Variants in KCNMA1 observed in about 807,000 individuals in gnomAD.
The protein encoded by KCNMA1 is potassium calcium-activated channel subfamily M alpha 1, also known as Calcium-activated potassium channel subunit alpha-1.
In KCNMA1, 29 loss-of-function variants were observed where a neutral mutation model predicts 140.0. That is an observed-to-expected ratio of 0.21 (90% confidence interval 0.15 to 0.28). The LOEUF (loss-of-function observed/expected upper bound fraction) is 0.28, where lower values mean the gene tolerates loss of function less well. Among genes scored for constraint, KCNMA1 ranks in the 10% least tolerant of loss-of-function variants. KCNMA1 has a pLI of 1.00. For missense variants in KCNMA1, 880 were observed against 1,602.2 expected (o/e 0.55, Z 7.70); for synonymous variants, 612 against 611.9 (o/e 1.00, Z 0.00).
chr10:76,998,834 G>T (rs2085233682), intron 19 of KCNMA1, among the ~76,000 whole-genome samples: 1 of 152,222 alleles, frequency 6.6e-6, no homozygotes, highest in Non-Finnish European at 1.5e-5. Context: ...AATTGGAGAA[G>T]AAGGGCTTAT....
At chr10:77,099,311 C>G (rs989070845) in intron 9 of KCNMA1, among the ~76,000 whole-genome samples, 2 of 152,132 alleles carry the variant, frequency 1.3e-5, no homozygotes, top group African/African-American at 4.8e-5. Context: ...CCCATAATGA[C>G]AACCAACTTG....
At chr10:77,033,310 G>T (rs933741630) in intron 15 of KCNMA1, among the ~76,000 whole-genome samples, 3 of 152,118 alleles carry the variant, frequency 2.0e-5, no homozygotes, top group Non-Finnish European at 4.4e-5. Context: ...CAAGAAAAGA[G>T]AAGTGATTTA....
At chr10:76,992,686 C>T (rs977629175) in intron 19 of KCNMA1, among the ~76,000 whole-genome samples, 4 of 152,152 alleles carry the variant, frequency 2.6e-5, no homozygotes, top group Non-Finnish European at 5.9e-5. Context: ...GTTTTAATGA[C>T]CCCCTGAGGT....
intron 1 of KCNMA1, among the ~76,000 whole-genome samples, chr10:77,589,498 A>G (rs763134989): frequency 6.6e-6 from 1 of 152,162 alleles, no homozygotes; most frequent in Non-Finnish European, 1.5e-5. Context: ...TAAGGAATAA[A>G]AATTCCTAAA....
intron 7 of KCNMA1, among the ~76,000 whole-genome samples, chr10:77,112,070 T>A (rs1329104911): frequency 6.6e-6 from 1 of 152,212 alleles, no homozygotes; most frequent in Admixed American, 6.5e-5. Flanking sequence ...CACTGCCATC[T>A]TGTGGCTTAC....
chr10:77,073,278 A>T, intron 13 of KCNMA1, 26 bp from the exon 14 acceptor site: 1 of 1,612,558 alleles, frequency 6.2e-7, no homozygotes, highest in African/African-American at 1.3e-5. Context: ...CAGGTATGAG[A>T]CCTTGCTCTG....
intron 23 of KCNMA1, among the ~76,000 whole-genome samples, chr10:76,936,815 G>A (rs1354103813): frequency 6.6e-6 from 1 of 152,134 alleles, no homozygotes; most frequent in African/African-American, 2.4e-5. Context: ...TAATGGAAAA[G>A]CCAGATCTGC....
rs1362077706 is a variant in KCNMA1 at position 77,494,419 on chromosome 10, G to A, written c.379-90396C>T. ...CCCTGGAACAGCAGCCTCGCTTACT[G>A]CCAGACCCCACAGGGGTTTCTGCAG... On this transcript the variant is annotated intron_variant, in intron 1 of 27. Coordinates refer to ENST00000286628, the MANE Select transcript of KCNMA1 (RefSeq NM_001161352.2). Among the ~76,000 whole-genome samples, 4 of 152,190 alleles carry A rather than the reference G, an allele frequency of 2.6e-5. No individual in the cohort carries two copies. In the East Asian group the frequency reaches 5.8e-4, roughly 22 times the overall value.
At position 77,470,474 on chromosome 10, in the gene KCNMA1, C is replaced by G. The variant is rs16934856; in HGVS notation, c.379-66451G>C. ...GGCCCGGCACCCTACCTTGAACACCCAGTGCTGCCGGAAGATCCTGTCCCC... is the reference window on the plus strand; with the variant it reads ...GGCCCGGCACCCTACCTTGAACACCGAGTGCTGCCGGAAGATCCTGTCCCC... On this transcript the variant is annotated intron_variant, in intron 1 of 27. Transcript: ENST00000286628. Among the ~76,000 whole-genome samples, 519 of 152,262 alleles carry G rather than the reference C, an allele frequency of 3.4e-3. 10 individuals carry two copies. In the East Asian group the frequency reaches 0.05, roughly 15 times the overall value.
intron 19 of KCNMA1, among the ~76,000 whole-genome samples, chr10:76,985,094 T>G (rs2080874283): frequency 6.6e-6 from 1 of 152,254 alleles, no homozygotes; most frequent in Non-Finnish European, 1.5e-5. Context: ...ATTTCTCAGC[T>G]GCTGTTATAC....
Position 77,068,534 on chromosome 10 carries a change from G to A in KCNMA1, c.1749+4563C>T, listed in dbSNP as rs188083361. On this transcript the variant is annotated intron_variant, in intron 14 of 27. Transcript: ENST00000286628. The stretch of plus-strand genomic sequence containing the variant: ...GAAACAGAAAACATGACAGAGAAGC[G>A]TGTATTGTTATCGATATTAAGTAAC... 4.0e-4 allele frequency among the ~76,000 whole-genome samples: 60 copies of A among 151,874 alleles called. No homozygotes were observed. The East Asian group carries it at 9.7e-3, about 25-fold the overall frequency.
intron 1 of KCNMA1, among the ~76,000 whole-genome samples, chr10:77,631,105 CCAAAAAAAAAAAAA>C (rs1203196575): frequency 1.1e-5 from 1 of 90,120 alleles, no homozygotes; most frequent in African/African-American, 4.1e-5. Flanking sequence ...AGACCCTGTC[CCAAAAAAAAAAAAA>C]AAAAAAAAAA....
intron 3 of KCNMA1, among the ~76,000 whole-genome samples, chr10:77,189,975 A>G (rs2098925869): frequency 6.6e-6 from 1 of 152,120 alleles, no homozygotes; most frequent in Admixed American, 6.6e-5. Context: ...CTCATTCTAC[A>G]TCTCTTACTT....
At chr10:76,950,750 G>A (rs2065934128) in intron 21 of KCNMA1, among the ~76,000 whole-genome samples, 1 of 152,226 alleles carries the variant, frequency 6.6e-6, no homozygotes, top group African/African-American at 2.4e-5. Flanking sequence ...AACCCCCAAG[G>A]AGAGGAAGAA....
rs185758284 is a variant in KCNMA1 at position 77,131,776 on chromosome 10, C to T, written c.809-10728G>A. The stretch of plus-strand genomic sequence containing the variant: ...GGTCAGGAGTTCGAGACCAGCCTGG[C>T]CAATATGATGAAACCCCATCTCTAC... On this transcript the variant is annotated intron_variant, in intron 5 of 27. Coordinates refer to ENST00000286628, the MANE Select transcript of KCNMA1 (RefSeq NM_001161352.2). Among the ~76,000 whole-genome samples, 48 of 151,842 alleles carry T rather than the reference C, an allele frequency of 3.2e-4. No homozygotes were observed. In the East Asian group the frequency reaches 4.8e-3, roughly 15 times the overall value.
intron 23 of KCNMA1, among the ~76,000 whole-genome samples, chr10:76,918,180 G>C (rs1197855646): frequency 1.3e-5 from 2 of 152,150 alleles, no homozygotes; most frequent in South Asian, 4.2e-4. Flanking sequence ...ATATACTCCA[G>C]AGATCTACAG....
downstream of KCNMA1, chr10:76,875,611 G>A (rs2032238303): frequency 6.6e-6 from 1 of 152,152 alleles, no homozygotes; most frequent in Admixed American, 6.5e-5. Flanking sequence ...CAGCCTGCCA[G>A]AGGAGACCAA....
At chr10:76,935,717 T>A (rs2060385532) in intron 23 of KCNMA1, among the ~76,000 whole-genome samples, 1 of 152,162 alleles carries the variant, frequency 6.6e-6, no homozygotes, top group African/African-American at 2.4e-5. Flanking sequence ...ATAAGTTCAG[T>A]CCAACCCCAA....
At chr10:77,335,266 C>A (rs1446070169) in intron 2 of KCNMA1, among the ~76,000 whole-genome samples, 1 of 152,224 alleles carries the variant, frequency 6.6e-6, no homozygotes, top group African/African-American at 2.4e-5. Flanking sequence ...CACTGAGAGT[C>A]CCTGTTCCAC....
Sources: gnomAD v4.1 joint callset for allele counts (sites outside exome capture counted in the v4.1 genomes callset) on GRCh38, gnomAD v4.1.1 for gene constraint, MANE v1.5 for transcripts, NCBI Gene and HGNC (gene_info 2026-07-23, HGNC 2026-07-21) for gene names.